Variants in PIGL observed in about 807,000 individuals in gnomAD.
The protein encoded by PIGL is N-acetylglucosaminyl-phosphatidylinositol de-N-acetylase.
A neutral mutation model predicts 31.1 loss-of-function variants in PIGL; 22 were observed. The ratio of observed to expected loss-of-function variants is 0.71; its 90% confidence interval spans 0.51 to 1.01. The LOEUF is 1.01. Ranked by LOEUF, PIGL falls within the 50% of genes least tolerant of loss-of-function variation. PIGL has a pLI of 0.00. For synonymous variants in PIGL, 131 were observed against 117.4 expected (o/e 1.12, Z -0.75); for missense variants, 302 against 315.9 (o/e 0.96, Z 0.33).
intron 2 of PIGL, among the ~76,000 whole-genome samples, chr17:16,295,279 C>A (rs970803111): frequency 6.6e-6 from 1 of 151,772 alleles, no homozygotes; most frequent in Non-Finnish European, 1.5e-5. Context: ...TGGCGCACGC[C>A]TGTAATCCCG....
At chr17:16,322,904 C>T (rs2093111940) in intron 6 of PIGL, among the ~76,000 whole-genome samples, 1 of 152,110 alleles carries the variant, frequency 6.6e-6, no homozygotes, top group Non-Finnish European at 1.5e-5. Context: ...AAGGATGATG[C>T]TGAGTGCTGT....
chr17:16,282,696 A>G (rs572065534), intron 2 of PIGL, among the ~76,000 whole-genome samples: 11 of 152,326 alleles, frequency 7.2e-5, no homozygotes, highest in Admixed American at 6.5e-4. Context: ...AATGATCTCA[A>G]GGAATCCAGA....
chr17:16,246,672 C>CTTTTTTTTGTTTTTTTTTTTTTTTT (rs2092749067), intron 2 of PIGL, among the ~76,000 whole-genome samples: 1 of 64,162 alleles, frequency 1.6e-5, no homozygotes, highest in Non-Finnish European at 3.1e-5. Context: ...AGATCAAGGT[C>CTTTTTTTTGTTTTTTTTTTTTTTTT]TTTTTTTTTT....
intron 2 of PIGL, among the ~76,000 whole-genome samples, chr17:16,264,204 G>A (rs1464747363): frequency 9.8e-6 from 1 of 102,256 alleles, no homozygotes; most frequent in Non-Finnish European, 2.2e-5. Flanking sequence ...GTAGAGATGG[G>A]GTCATGTTGG....
At chr17:16,225,270 TA>T (rs2092646800) in intron 1 of PIGL, among the ~76,000 whole-genome samples, 1 of 152,132 alleles carries the variant, frequency 6.6e-6, no homozygotes, top group African/African-American at 2.4e-5. Context: ...CTGCTTCTAA[TA>T]ATTCCAGTTT....
intron 3 of PIGL, 118 bp downstream of exon 3, chr17:16,300,096 C>T (rs1472938860): frequency 1.4e-6 from 1 of 725,326 alleles, no homozygotes; most frequent in Non-Finnish European, 2.4e-6. Context: ...CAGGGCCACT[C>T]TCTAAGGAGG....
intron 3 of PIGL, among the ~76,000 whole-genome samples, chr17:16,313,049 G>A (rs2093061954): frequency 6.6e-6 from 1 of 152,172 alleles, no homozygotes; most frequent in Non-Finnish European, 1.5e-5. Context: ...TGATATAGCT[G>A]TGAAAATGGA....
chr17:16,248,226 A>G (rs1323297736), intron 2 of PIGL, among the ~76,000 whole-genome samples: 14 of 152,004 alleles, frequency 9.2e-5, no homozygotes, highest in Non-Finnish European at 2.1e-4. Flanking sequence ...CAGGCTGAAA[A>G]TTTTCCAAAA....
At chr17:16,312,146 C>T (rs2093054308) in intron 3 of PIGL, among the ~76,000 whole-genome samples, 1 of 150,458 alleles carries the variant, frequency 6.6e-6, no homozygotes, top group African/African-American at 2.4e-5. Flanking sequence ...CCCGCAGCCC[C>T]CCACCTCCCT....
At chr17:16,254,264 TTC>T in intron 2 of PIGL, among the ~76,000 whole-genome samples, 1 of 152,202 alleles carries the variant, frequency 6.6e-6, no homozygotes, top group South Asian at 2.1e-4. Context: ...CAATTTTTTT[TTC>T]TTTTTTTCTT....
chr17:16,325,835 G>T lies in PIGL; in HGVS notation c.696G>T (p.Trp232Cys), dbSNP rs373965967. 6.2e-7 allele frequency: 1 copy of T among 1,613,944 alleles called. No homozygotes were observed. ...AMSCHRSQLL[W>C]FRRLYIIFSR... ...CCTGCCACCGCAGCCAGCTCCTCTG[G>T]TTCCGCCGCCTCTACATTATCTTCT... Residue 232 changes from tryptophan to cysteine, a missense_variant, in exon 7 of 7, where the codon TGG becomes TGT. Coordinates refer to ENST00000225609, the MANE Select transcript of PIGL (RefSeq NM_004278.4).
chr17:16,322,156 C>T (rs1394513971), intron 6 of PIGL, among the ~76,000 whole-genome samples: 10 of 151,902 alleles, frequency 6.6e-5, no homozygotes, highest in South Asian at 4.2e-4. Context: ...TGCAGTGGAG[C>T]GATCTCGGCT....
At chr17:16,219,564 T>G (rs1353824790) in intron 1 of PIGL, among the ~76,000 whole-genome samples, 2 of 150,860 alleles carry the variant, frequency 1.3e-5, no homozygotes, top group African/African-American at 4.9e-5. Context: ...TGGTGGGGGG[T>G]TTTTTGTTTA....
intron 4 of PIGL, among the ~76,000 whole-genome samples, chr17:16,316,456 T>C (rs1482623733): frequency 6.6e-6 from 1 of 152,154 alleles, no homozygotes; most frequent in Non-Finnish European, 1.5e-5. Flanking sequence ...CAGACCAGCC[T>C]CTGGATTGGC....
At chr17:16,253,198 G>A (rs1394244012) in intron 2 of PIGL, among the ~76,000 whole-genome samples, 2 of 149,876 alleles carry the variant, frequency 1.3e-5, no homozygotes, top group Admixed American at 1.3e-4. Flanking sequence ...AGGTTGCAGT[G>A]AGCCGAGATC....
chr17:16,263,940 C>A (rs139336310), intron 2 of PIGL, among the ~76,000 whole-genome samples: 2,306 of 135,914 alleles, frequency 0.017, 75 homozygotes, highest in African/African-American at 0.06. Flanking sequence ...CTCCTGAGTT[C>A]AAGCGATTCT....
At chr17:16,246,009 G>C (rs148656538) in intron 2 of PIGL, among the ~76,000 whole-genome samples, 25 of 150,784 alleles carry the variant, frequency 1.7e-4, no homozygotes, top group Admixed American at 2.6e-4. Flanking sequence ...GTTTTTAGTA[G>C]AGACGGGGTT....
At chr17:16,274,505 C>T (rs1451870579) in intron 2 of PIGL, among the ~76,000 whole-genome samples, 1 of 152,008 alleles carries the variant, frequency 6.6e-6, no homozygotes. Flanking sequence ...GGTGGATCAC[C>T]TGAGGTCAGG....
chr17:16,280,581 A>G (rs1052326783), intron 2 of PIGL, among the ~76,000 whole-genome samples: 1 of 152,212 alleles, frequency 6.6e-6, no homozygotes, highest in African/African-American at 2.4e-5. Flanking sequence ...CTCTCTGGTT[A>G]TCAGCATCCC....
Sources: allele counts gnomAD v4.1 joint callset (sites outside exome capture counted in the v4.1 genomes callset), GRCh38; gene constraint gnomAD v4.1.1; transcripts MANE v1.5; gene names NCBI Gene and HGNC (gene_info 2026-07-23, HGNC 2026-07-21).